SIPA1L3: variants seen among roughly 807,000 people sequenced by gnomAD.
The protein encoded by SIPA1L3 is signal induced proliferation associated 1 like 3.
In SIPA1L3, 59 loss-of-function variants were observed where a neutral mutation model predicts 150.1. The observed-to-expected ratio is 0.39, with a 90% confidence interval of 0.32 to 0.49. The LOEUF is 0.49. Among genes scored for constraint, SIPA1L3 ranks in the 20% least tolerant of loss-of-function variants. SIPA1L3 has a pLI of 0.86. For synonymous variants in SIPA1L3, 1,070 were observed against 1,077.6 expected, an observed-to-expected ratio of 0.99 and a Z score of 0.14; for missense variants, 2,211 against 2,489.5, an observed-to-expected ratio of 0.89 and a Z score of 2.38.
chr19:38,111,271 A>G (rs945557756), intron 8 of SIPA1L3, among the ~76,000 whole-genome samples: 1 of 151,994 alleles, frequency 6.6e-6, no homozygotes, highest in Non-Finnish European at 1.5e-5. Context: ...GCCTCAAGTG[A>G]TCTTCCAGCC....
rs1004935881 is a variant in SIPA1L3 at position 38,164,333 on chromosome 19, C to T, written c.3781-146C>T. 6.5e-6 allele frequency: 5 copies of T among 765,424 alleles called. No individual in the cohort carries two copies. In the African/African-American group the frequency reaches 7.0e-5, roughly 11 times the overall value. The allele number at this position is 765,424 out of a possible 1,614,324, so 47.4% of individuals were successfully genotyped here. A position where few individuals can be genotyped will look rare whatever the true frequency, so the allele number is the denominator to read the frequency against. On this transcript the variant is annotated intron_variant, in intron 14 of 21. Coordinates refer to ENST00000222345, the MANE Select transcript of SIPA1L3 (RefSeq NM_015073.3). This position sits in a 1 kb window ranked among gnomAD's most constrained non-coding sequence, Gnocchi z 4.1. ...GGCTGAGGGAAGGTAAATCACTTGC[C>T]CAAGGTAACACGGCCAGTAGATGAG...
intron 2 of SIPA1L3, among the ~76,000 whole-genome samples, chr19:38,044,292 G>A (rs1010846029): frequency 1.3e-5 from 2 of 152,172 alleles, no homozygotes; most frequent in East Asian, 1.9e-4. Context: ...AGTTGGATAC[G>A]CATACCTGAA....
intron 19 of SIPA1L3, 56 bp downstream of exon 19, chr19:38,198,588 GGA>G: frequency 7.3e-7 from 1 of 1,376,990 alleles, no homozygotes; most frequent in South Asian, 1.9e-5. Context: ...TGTTCTAGAG[GGA>G]TTCATGGAGG....
At position 38,114,138 on chromosome 19, in the gene SIPA1L3, C is replaced by T. The variant is rs375480747; in HGVS notation, c.2291+3754C>T. On this transcript the variant is annotated intron_variant, in intron 8 of 21. Coordinates refer to ENST00000222345, the MANE Select transcript of SIPA1L3 (RefSeq NM_015073.3). ...TGCTGAATAAAGAAGTTACAAAGCTCGGCTGGGTGCTGTGGCTCATGCCTG... is the reference window on the plus strand; with the variant it reads ...TGCTGAATAAAGAAGTTACAAAGCTTGGCTGGGTGCTGTGGCTCATGCCTG... Among the ~76,000 whole-genome samples, 18 of 152,130 alleles carry T rather than the reference C, an allele frequency of 1.2e-4. No individual in the cohort carries two copies. In the East Asian group the frequency reaches 2.7e-3, roughly 23 times the overall value.
chr19:38,193,236 C>T (rs1038087299), intron 17 of SIPA1L3, among the ~76,000 whole-genome samples: 2 of 151,946 alleles, frequency 1.3e-5, no homozygotes, highest in Admixed American at 1.3e-4. Context: ...TCCCAGCTAC[C>T]TACCTGGGAA....
intron 1 of SIPA1L3, among the ~76,000 whole-genome samples, chr19:37,975,990 A>T (rs1482644886): frequency 1.3e-5 from 2 of 151,850 alleles, no homozygotes; most frequent in Non-Finnish European, 2.9e-5. Context: ...CAGTAATCTC[A>T]GCTACTTGGG....
At chr19:37,976,246 G>A (rs1967074015) in intron 1 of SIPA1L3, among the ~76,000 whole-genome samples, 1 of 152,104 alleles carries the variant, frequency 6.6e-6, no homozygotes, top group African/African-American at 2.4e-5. Flanking sequence ...TCCTGGAGGG[G>A]ATTTCCTTGG....
chr19:37,952,187 C>T (rs2046770464), intron 1 of SIPA1L3, among the ~76,000 whole-genome samples: 1 of 151,912 alleles, frequency 6.6e-6, no homozygotes, highest in South Asian at 2.1e-4. Flanking sequence ...CTCAGAGGGT[C>T]GAGTGGAAAG....
At chr19:38,023,928 G>A (rs1301791881) in intron 1 of SIPA1L3, among the ~76,000 whole-genome samples, 1 of 152,136 alleles carries the variant, frequency 6.6e-6, no homozygotes, top group Non-Finnish European at 1.5e-5. Flanking sequence ...GGCCCAGCAG[G>A]CTAATAATCT....
chr19:38,119,352 A>C lies in SIPA1L3; in HGVS notation c.2338A>C (p.Ile780Leu), dbSNP rs1486679334. The C allele has an allele frequency of 1.2e-5, 19 of 1,613,844 alleles. No individual in the cohort carries two copies. The highest frequency in any genetic ancestry group is 1.5e-5 in the Non-Finnish European group (18 of 1,180,004). The change falls in exon 9 of 22, where the codon ATC (isoleucine) becomes CTC (leucine). Residue 780 changes from isoleucine (I) to leucine (L), a missense_variant. Transcript: ENST00000222345. The stretch of plus-strand genomic sequence containing the variant: ...AGACGCTCCTCCTTTCGGCCCCCCC[A>C]TCCCCAGTGGAACCACATTCCGCAA... ...SKDAPPFGPP[I>L]PSGTTFRKSD...
intron 1 of SIPA1L3, among the ~76,000 whole-genome samples, chr19:37,978,702 C>T (rs1452498509): frequency 2.6e-5 from 4 of 152,116 alleles, no homozygotes; most frequent in Non-Finnish European, 5.9e-5. Flanking sequence ...AGGCCAGGCA[C>T]GGTGGCTCAC....
chr19:37,995,070 G>A (rs953444152), intron 1 of SIPA1L3, among the ~76,000 whole-genome samples: 1 of 152,202 alleles, frequency 6.6e-6, no homozygotes, highest in African/African-American at 2.4e-5. Flanking sequence ...GAGGAGAGGA[G>A]TAGGGGAAAG....
rs1970027699 is a variant in SIPA1L3 at position 38,082,668 on chromosome 19, C to T, written c.1103C>T (p.Thr368Ile). 10 of 1,608,610 alleles carry T rather than the reference C, an allele frequency of 6.2e-6. No homozygotes were observed. Among genetic ancestry groups the T allele is most frequent in the Non-Finnish European group, 8.5e-6 (10 of 1,179,460 alleles). Residue 368 changes from threonine to isoleucine, a missense_variant, in exon 3 of 22, where the codon ACC (threonine) becomes ATC (isoleucine). This residue lies in a region of SIPA1L3 where 587 missense variants were observed against 534.5 expected (regional missense o/e 1.10). Transcript: ENST00000222345. ...NRVSVSQRRN[T>I]TTGASAASAA... ...GTGTCGGTGTCGCAGCGGCGGAACA[C>T]CACCACGGGTGCTTCGGCCGCTTCC...
intron 12 of SIPA1L3, among the ~76,000 whole-genome samples, chr19:38,149,287 T>A (rs538843819): frequency 5.9e-5 from 9 of 152,182 alleles, no homozygotes; most frequent in African/African-American, 2.2e-4. Flanking sequence ...TGTCTTCCCT[T>A]GGGAGGCTGA....
intron 13 of SIPA1L3, among the ~76,000 whole-genome samples, chr19:38,154,823 G>A (rs573770648): frequency 5.3e-5 from 8 of 149,838 alleles, no homozygotes; most frequent in East Asian, 3.9e-4. Context: ...GTGCAGTGGC[G>A]TAATCTCAGC....
rs753449953 is a variant in SIPA1L3, at chr19:38,142,666, C to A, written c.3489C>A (p.Thr1163=). The A allele has an allele frequency of 6.2e-7, 1 of 1,614,084 alleles. No homozygotes were observed. The change falls in exon 12 of 22, where the codon ACC becomes ACA. Residue 1163 remains threonine, a synonymous_variant. Coordinates refer to ENST00000222345, the MANE Select transcript of SIPA1L3 (RefSeq NM_015073.3). ...GACAGCCTTCTGGGAGCTTCTCCAC[C>A]CCCGGTTCGGCCACCTACGTGAGAT... is the stretch of plus-strand genomic sequence containing the variant. ...PYRQPSGSFS[T]PGSATYVRYK... is the part of the protein sequence containing the mutation.
At chr19:37,981,020 A>G (rs1599864013) in intron 1 of SIPA1L3, among the ~76,000 whole-genome samples, 2 of 152,288 alleles carry the variant, frequency 1.3e-5, no homozygotes, top group South Asian at 4.1e-4. Flanking sequence ...AGGGTAATGC[A>G]TACACCGTGC....
chr19:38,098,392 A>ATTTTTTTTTTT, intron 4 of SIPA1L3, among the ~76,000 whole-genome samples: 1 of 113,728 alleles, frequency 8.8e-6, no homozygotes, highest in Non-Finnish European at 1.8e-5. Context: ...AGGGGCTTTC[A>ATTTTTTTTTTT]TTTTTTTTTT....
chr19:38,043,499 G>C lies in SIPA1L3; in HGVS notation c.-311+14343G>C, dbSNP rs561731571. Among the ~76,000 whole-genome samples the C allele has an allele frequency of 1.6e-3, 239 of 152,320 alleles. 1 individual carries two copies. The highest frequency in any genetic ancestry group is 5.5e-3 in the African/African-American group (230 of 41,566). ...AATATCGATGTGATAGTCTACCACT[G>C]TTCGCTCAGAACCTTCTAGGGTTGC... On this transcript the variant is annotated intron_variant, in intron 2 of 21. Transcript: ENST00000222345.
Sources: allele counts gnomAD v4.1 joint callset (sites outside exome capture counted in the v4.1 genomes callset), GRCh38; gene constraint gnomAD v4.1.1; regional missense constraint gnomAD v4.1.1; non-coding constraint Gnocchi (gnomAD v3.1); transcripts MANE v1.5; gene names NCBI Gene and HGNC (gene_info 2026-07-23, HGNC 2026-07-21).